PTPN3: variants seen among roughly 807,000 people sequenced by gnomAD.
The protein encoded by PTPN3 is protein tyrosine phosphatase non-receptor type 3, also known as tyrosine-protein phosphatase non-receptor type 3.
A neutral mutation model predicts 132.7 loss-of-function variants in PTPN3; 96 were observed. The ratio of observed to expected loss-of-function variants is 0.72; its 90% CI spans 0.61 to 0.86. The LOEUF (loss-of-function observed/expected upper bound fraction) is 0.86, where lower values mean the gene tolerates loss of function less well. Ranked by LOEUF, PTPN3 falls within the 40% of genes least tolerant of loss-of-function variation. The pLI is 0.00. For synonymous variants in PTPN3, 398 were observed against 429.0 expected (o/e 0.93, Z 0.89); for missense variants, 1,125 against 1,159.6 (o/e 0.97, Z 0.43).
In PTPN3 at chr9:109,445,306, A is replaced by G. The variant is rs1279100799; in HGVS notation, c.414-14T>C. ...GGGCAGGTTAACCTGTCAGGAGAAAAACATATTAGCAAAGTCACAAGAACC... is the reference window on the plus strand; with the variant it reads ...GGGCAGGTTAACCTGTCAGGAGAAAGACATATTAGCAAAGTCACAAGAACC... On this transcript the variant is annotated splice_polypyrimidine_tract_variant and intron_variant, in intron 6 of 25. Coordinates refer to ENST00000374541, the MANE Select transcript of PTPN3 (RefSeq NM_002829.4). The G allele has an allele frequency of 2.5e-6, 4 of 1,609,780 alleles. No individual in the cohort carries two copies. Among genetic ancestry groups the G allele is most frequent in the Non-Finnish European group, 3.4e-6 (4 of 1,176,052 alleles).
intron 14 of PTPN3, among the ~76,000 whole-genome samples, chr9:109,413,529 C>G (rs532195628): frequency 3.6e-4 from 55 of 152,250 alleles, no homozygotes; most frequent in African/African-American, 1.3e-3. Flanking sequence ...GAATGCAGTG[C>G]GGCTGAGGAG....
intron 22 of PTPN3, among the ~76,000 whole-genome samples, chr9:109,388,549 G>C (rs1329513494): frequency 1.3e-5 from 2 of 152,182 alleles, no homozygotes; most frequent in African/African-American, 4.8e-5. Flanking sequence ...GCTGTCAGCA[G>C]CACGGAGCTG....
chr9:109,417,763 A>G lies in PTPN3; in HGVS notation c.1313+2661T>C, dbSNP rs886356276. On this transcript the variant is annotated intron_variant, in intron 14 of 25. Transcript: ENST00000374541. The stretch of plus-strand genomic sequence containing the variant: ...ACAGTCACTAACTTGACCCCCTGAC[A>G]TGTCTATTGTCAGTGCACCTGGTAA... 11 of 985,328 alleles carry G rather than the reference A, an allele frequency of 1.1e-5. No homozygotes were observed. In the African/African-American group the frequency reaches 1.9e-4, roughly 17 times the overall value. 61.0% of individuals were successfully genotyped at this position (985,328 alleles called of 1,614,324 possible). A position where few individuals can be genotyped will look rare whatever the true frequency, so the allele number is the denominator to read the frequency against.
Position 109,463,305 on chromosome 9 carries a change from T to G in PTPN3, c.130A>C (p.Lys44Gln), listed in dbSNP as rs1206944228. 1 of 1,588,648 alleles carries G rather than the reference T, an allele frequency of 6.3e-7. No individual in the cohort carries two copies. The highest frequency in any genetic ancestry group is 8.5e-7 in the Non-Finnish European group (1 of 1,171,606). Residue 44 changes from lysine to glutamine, a missense_variant, in exon 2 of 26, where the codon AAA (lysine) becomes CAA (glutamine). Physicochemically the swap from Lys to Gln is moderately conservative, Grantham distance 53. Transcript: ENST00000374541. ...HFLDGVVQTF[K>Q]VTKQDTGQVL... ...AAAAGTAGAGAACTTACAGTAACTT[T>G]AAAGGTCTGTACCACGCCATCTAAA...
chr9:109,508,853 TCC>T, the PTPN3 span, among the ~76,000 whole-genome samples: 2 of 151,480 alleles, frequency 1.3e-5, no homozygotes, highest in African/African-American at 2.4e-5. Flanking sequence ...AGTCAGGATG[TCC>T]CCCCCCCACC....
At chr9:109,482,140 C>G (rs1846989612) in intron 1 of PTPN3, among the ~76,000 whole-genome samples, 1 of 152,240 alleles carries the variant, frequency 6.6e-6, no homozygotes, top group Admixed American at 6.5e-5. Flanking sequence ...TCAGCGCTAA[C>G]ACAGCATACC....
chr9:109,483,352 G>A (rs1258835787), intron 1 of PTPN3, among the ~76,000 whole-genome samples: 3 of 152,208 alleles, frequency 2.0e-5, no homozygotes, highest in Non-Finnish European at 4.4e-5. Flanking sequence ...TTTGATCACA[G>A]GCTTTACTCA....
chr9:109,414,352 G>A (rs999175150), intron 14 of PTPN3, among the ~76,000 whole-genome samples: 8 of 152,208 alleles, frequency 5.3e-5, no homozygotes, highest in Non-Finnish European at 1.2e-4. Context: ...TCTGCATTCC[G>A]ACCAGCTCTC....
intron 10 of PTPN3, among the ~76,000 whole-genome samples, chr9:109,431,961 A>G (rs1843692296): frequency 6.6e-6 from 1 of 151,660 alleles, no homozygotes; most frequent in Admixed American, 6.6e-5. Flanking sequence ...ACTTGGACAC[A>G]GTAAGCATGC....
upstream of PTPN3, among the ~76,000 whole-genome samples, chr9:109,501,597 C>G (rs1847865214): frequency 1.3e-5 from 2 of 152,174 alleles, no homozygotes; most frequent in African/African-American, 4.8e-5. Flanking sequence ...TTACCAATGA[C>G]AGTTGATCTT....
chr9:109,409,248 G>A lies in PTPN3; in HGVS notation c.1578+751C>T, dbSNP rs112443415. Reference sequence around the variant, plus strand: ...CCTGCTTAAAGGTGCCTGGAGGAGAGTGGTGGCCCTGCAGGTTGAACTTGA... The same window carrying A: ...CCTGCTTAAAGGTGCCTGGAGGAGAATGGTGGCCCTGCAGGTTGAACTTGA... On this transcript the variant is annotated intron_variant, in intron 16 of 25. Transcript: ENST00000374541. Among the ~76,000 whole-genome samples the A allele has an allele frequency of 5.6e-3, 860 of 152,282 alleles. 11 individuals are homozygous for A. The highest frequency in any genetic ancestry group is 0.019 in the African/African-American group (809 of 41,536).
intron 1 of PTPN3, among the ~76,000 whole-genome samples, chr9:109,489,067 C>T (rs186394265): frequency 1.3e-5 from 2 of 152,302 alleles, no homozygotes; most frequent in Non-Finnish European, 2.9e-5. Flanking sequence ...GGGTGACTCC[C>T]GCCTCCTGCC....
the PTPN3 span, among the ~76,000 whole-genome samples, chr9:109,529,936 C>T: frequency 5.3e-5 from 8 of 152,108 alleles, no homozygotes; most frequent in East Asian, 1.9e-4. Context: ...ATTGTAGAGA[C>T]GGGCATCTCA....
intron 16 of PTPN3, 102 bp downstream of exon 16, chr9:109,409,897 C>T: frequency 6.7e-7 from 1 of 1,496,466 alleles, no homozygotes; most frequent in Non-Finnish European, 8.9e-7. Flanking sequence ...GAACCAACTT[C>T]CTTATGTAGC....
the PTPN3 span, among the ~76,000 whole-genome samples, chr9:109,527,969 C>T: frequency 6.6e-6 from 1 of 152,182 alleles, no homozygotes; most frequent in African/African-American, 2.4e-5. Context: ...GATTACTTCA[C>T]AGAGGAGGAC....
At chr9:109,403,382 G>T (rs1841308200) in intron 19 of PTPN3, among the ~76,000 whole-genome samples, 1 of 152,098 alleles carries the variant, frequency 6.6e-6, no homozygotes, top group African/African-American at 2.4e-5. Flanking sequence ...ATGCATTGTT[G>T]ATTTCTGTTC....
At chr9:109,483,593 G>T (rs1847066042) in intron 1 of PTPN3, among the ~76,000 whole-genome samples, 1 of 152,168 alleles carries the variant, frequency 6.6e-6, no homozygotes, top group Non-Finnish European at 1.5e-5. Context: ...TGCCTTCTAA[G>T]GAGGATATAA....
intron 12 of PTPN3, among the ~76,000 whole-genome samples, chr9:109,424,927 G>C (rs991242067): frequency 2.0e-5 from 3 of 152,212 alleles, no homozygotes; most frequent in African/African-American, 7.2e-5. Context: ...TGAAGAAATA[G>C]AAGCAACAAA....
At position 109,445,167 on chromosome 9, in the gene PTPN3, G is replaced by A. The variant is rs1844763673; in HGVS notation, c.466+73C>T. On this transcript the variant is annotated intron_variant, in intron 7 of 25. Transcript: ENST00000374541. Reference sequence around the variant, plus strand: ...GGAAGAGGGACTTGGTCAAGCAGGAGGAACCAGTGACTTTCTCCACACACT... The same window carrying A: ...GGAAGAGGGACTTGGTCAAGCAGGAAGAACCAGTGACTTTCTCCACACACT... The A allele has an allele frequency of 7.5e-6, 11 of 1,473,202 alleles. No homozygotes were observed. The South Asian group carries it at 1.0e-4, about 14-fold the overall frequency. The allele number at this position is 1,473,202 out of a possible 1,614,324, so 91.3% of individuals were successfully genotyped here.
Sources: allele counts gnomAD v4.1 joint callset (sites outside exome capture counted in the v4.1 genomes callset), GRCh38; gene constraint gnomAD v4.1.1; transcripts MANE v1.5; gene names NCBI Gene and HGNC (gene_info 2026-07-23, HGNC 2026-07-21).